The following BLTP3A variants were observed in gnomAD, a reference collection of about 807,000 sequenced individuals.
BLTP3A encodes the protein ICBP90 binding protein 1.
chr6:34,857,188 C>A, the BLTP3A span: 1 of 1,128,410 alleles, frequency 8.9e-7, no homozygotes, highest in Non-Finnish European at 1.2e-6. Flanking sequence ...GGTGTGAGAA[C>A]ACCTGGAATA....
At chr6:34,869,351 T>C in the BLTP3A span, among the ~76,000 whole-genome samples, 2 of 152,164 alleles carry the variant, frequency 1.3e-5, no homozygotes, top group African/African-American at 4.8e-5. Flanking sequence ...TTTAAGTCTC[T>C]GGGAGTCCCT....
chr6:34,872,000 T>TG, the BLTP3A span: 2 of 1,458,746 alleles, frequency 1.4e-6, no homozygotes, highest in Non-Finnish European at 9.4e-7. Flanking sequence ...AACCCGGGGT[T>TG]GGGGGGCAAA....
chr6:34,833,788 G>A, the BLTP3A span, among the ~76,000 whole-genome samples: 2 of 151,970 alleles, frequency 1.3e-5, no homozygotes, highest in Non-Finnish European at 2.9e-5. Context: ...TTAGCTGGGA[G>A]TGGTGGCGCG....
chr6:34,856,750 G>T, the BLTP3A span: 1 of 1,602,266 alleles, frequency 6.2e-7, no homozygotes, highest in South Asian at 1.1e-5. Flanking sequence ...AATGAGAGTT[G>T]AATGTATCTG....
chr6:34,834,741 A>G, the BLTP3A span: 1 of 1,614,124 alleles, frequency 6.2e-7, no homozygotes, highest in South Asian at 1.1e-5. Flanking sequence ...TTAAGGAAAT[A>G]ACTTGGCAAA....
chr6:34,806,561 C>G, the BLTP3A span, among the ~76,000 whole-genome samples: 1 of 152,202 alleles, frequency 6.6e-6, no homozygotes, highest in East Asian at 1.9e-4. Context: ...GACAGCCTTA[C>G]TGTATGAATT....
chr6:34,861,144 A>AT, the BLTP3A span, among the ~76,000 whole-genome samples: 1,211 of 147,140 alleles, frequency 8.2e-3, 24 homozygotes, highest in African/African-American at 0.027. Flanking sequence ...TTAATTTTTA[A>AT]TTTTTTTTTT....
the BLTP3A span, chr6:34,857,012 G>A: frequency 6.6e-7 from 1 of 1,516,734 alleles, no homozygotes; most frequent in Middle Eastern, 1.8e-4. Context: ...CAAAGTTTTG[G>A]AATTTGGGGA....
the BLTP3A span, among the ~76,000 whole-genome samples, chr6:34,813,942 T>C: frequency 6.6e-6 from 1 of 152,050 alleles, no homozygotes; most frequent in Non-Finnish European, 1.5e-5. Context: ...TTTCCTTGGC[T>C]GAGCAAACCT....
At chr6:34,872,038 G>C in the BLTP3A span, 1 of 1,066,138 alleles carries the variant, frequency 9.4e-7, no homozygotes, top group Admixed American at 2.6e-5. Flanking sequence ...CTGCATGTGG[G>C]TGTTTTGGGT....
chr6:34,864,733 C>T, the BLTP3A span, among the ~76,000 whole-genome samples: 13 of 151,956 alleles, frequency 8.6e-5, no homozygotes, highest in Admixed American at 3.3e-4. Flanking sequence ...TTTGGGAGGC[C>T]GAGGCGGGTG....
At chr6:34,837,325 T>C in the BLTP3A span, among the ~76,000 whole-genome samples, 14 of 152,272 alleles carry the variant, frequency 9.2e-5, no homozygotes, top group East Asian at 2.7e-3. Context: ...GAGGATTGCT[T>C]GAGCTTAGGA....
At chr6:34,831,128 AT>A in the BLTP3A span, among the ~76,000 whole-genome samples, 43,099 of 142,402 alleles carry the variant, frequency 0.3, 6,586 homozygotes, top group African/African-American at 0.46. Context: ...ATCACTCTTA[AT>A]TTTTTTTTTT....
chr6:34,870,324 T>C, the BLTP3A span, among the ~76,000 whole-genome samples: 1 of 152,180 alleles, frequency 6.6e-6, no homozygotes, highest in Non-Finnish European at 1.5e-5. Flanking sequence ...AATACCAAAT[T>C]GTTATGCAAA....
chr6:34,857,426 T>C, the BLTP3A span: 2 of 1,614,248 alleles, frequency 1.2e-6, no homozygotes, highest in African/African-American at 1.3e-5. Context: ...GCCATTCATA[T>C]TGAGTTCACA....
chr6:34,799,681 T>C, the BLTP3A span, among the ~76,000 whole-genome samples: 3 of 152,216 alleles, frequency 2.0e-5, no homozygotes, highest in African/African-American at 7.2e-5. Flanking sequence ...ATTTTGACTC[T>C]GCTACTTCTA....
At chr6:34,857,340 T>G in the BLTP3A span, 1 of 1,612,994 alleles carries the variant, frequency 6.2e-7, no homozygotes, top group East Asian at 2.2e-5. Context: ...TTTCCACCGC[T>G]GGACAGCCAA....
the BLTP3A span, among the ~76,000 whole-genome samples, chr6:34,825,223 T>C: frequency 6.6e-6 from 1 of 152,212 alleles, no homozygotes; most frequent in Non-Finnish European, 1.5e-5. Flanking sequence ...AGGCTTGCCC[T>C]GATTGATTTT....
At chr6:34,823,344 CAG>C in the BLTP3A span, 1 of 1,613,628 alleles carries the variant, frequency 6.2e-7, no homozygotes, top group Non-Finnish European at 8.5e-7. Context: ...TGCTTCAGGA[CAG>C]AGGTTAGTTT....
Sources: gnomAD v4.1 joint callset for allele counts (sites outside exome capture counted in the v4.1 genomes callset) on GRCh38, gnomAD v4.1.1 for gene constraint, MANE v1.5 for transcripts, NCBI Gene and HGNC (gene_info 2026-07-23, HGNC 2026-07-21) for gene names.